Variants in NEDD4L observed in about 807,000 individuals in gnomAD.
NEDD4L encodes E3 ubiquitin-protein ligase NEDD4-like.
Under a neutral mutation model 148.9 loss-of-function variants are expected in NEDD4L, and 54 were observed. The ratio of observed to expected loss-of-function variants is 0.36; its 90% confidence interval spans 0.29 to 0.45. NEDD4L has a LOEUF of 0.45. NEDD4L is among the 20% of genes least tolerant of loss of function. The probability of loss-of-function intolerance (pLI) is 1.00; values close to 1 mark genes in which losing one functional copy is unlikely to be tolerated. For synonymous variants in NEDD4L, 433 were observed against 440.7 expected, an observed-to-expected ratio of 0.98 and a Z score of 0.22; for missense variants, 856 against 1,233.8, an observed-to-expected ratio of 0.69 and a Z score of 4.59.
chr18:58,254,251 C>A (rs928462513), intron 5 of NEDD4L, among the ~76,000 whole-genome samples: 2 of 152,150 alleles, frequency 1.3e-5, no homozygotes, highest in African/African-American at 4.8e-5. Context: ...ACTCTTACAG[C>A]TTGGTATTTT....
At chr18:58,063,137 C>T (rs1444319518) in intron 1 of NEDD4L, among the ~76,000 whole-genome samples, 1 of 144,606 alleles carries the variant, frequency 6.9e-6, no homozygotes, top group Non-Finnish European at 1.5e-5. Context: ...CCTTGACCTC[C>T]GAAGTCCACA....
At position 58,347,214 on chromosome 18, in the gene NEDD4L, G is replaced by GC. The variant is rs1293604264; in HGVS notation, c.1576-2310dup. Among the ~76,000 whole-genome samples the GC allele has an allele frequency of 2.1e-3, 72 of 34,022 alleles. 1 individual carries two copies. Among genetic ancestry groups the GC allele is most frequent in the South Asian group, 0.014 (10 of 734 alleles). 22.3% of individuals were successfully genotyped at this position (34,022 alleles called of 152,430 possible). A position where few individuals can be genotyped will look rare whatever the true frequency, so the allele number is the denominator to read the frequency against. ...TTCTTTTCACGCTACGGCCCCCCCC[G>GC]CCCCCCCCCCCCCTTTAAATCACCA... On this transcript the variant is annotated intron_variant, in intron 16 of 30. Coordinates refer to ENST00000400345, the MANE Select transcript of NEDD4L (RefSeq NM_001144967.3).
chr18:58,062,906 T>C (rs1351862548), intron 1 of NEDD4L, among the ~76,000 whole-genome samples: 1 of 147,168 alleles, frequency 6.8e-6, no homozygotes, highest in African/African-American at 2.5e-5. Flanking sequence ...GAAAATGGCA[T>C]GAACCCGGGA....
intron 2 of NEDD4L, among the ~76,000 whole-genome samples, chr18:58,234,407 C>T (rs2045758263): frequency 6.7e-6 from 1 of 150,370 alleles, no homozygotes; most frequent in Non-Finnish European, 1.5e-5. Flanking sequence ...TCATGGCTCA[C>T]TGCAGCCTCA....
chr18:58,205,226 C>G (rs1406858911), intron 2 of NEDD4L, among the ~76,000 whole-genome samples: 5 of 152,218 alleles, frequency 3.3e-5, no homozygotes, highest in African/African-American at 1.2e-4. Context: ...TGGTCACCAG[C>G]TTCTAGCTAG....
At chr18:58,287,095 T>C (rs2054025728) in intron 5 of NEDD4L, among the ~76,000 whole-genome samples, 1 of 140,974 alleles carries the variant, frequency 7.1e-6, no homozygotes. Flanking sequence ...CTTCTTTTTC[T>C]TTTTTTTTTT....
Position 58,231,599 on chromosome 18 carries a change from G to A in NEDD4L, c.123-13828G>A, listed in dbSNP as rs147715495. Among the ~76,000 whole-genome samples, 992 of 152,190 alleles carry A rather than the reference G, an allele frequency of 6.5e-3. 9 individuals are homozygous for A. The highest frequency in any genetic ancestry group is 0.022 in the African/African-American group (921 of 41,516). On this transcript the variant is annotated intron_variant, in intron 2 of 30. Transcript: ENST00000400345. Reference sequence around the variant, plus strand: ...TTGTTTTGAGACAGAGTCTCACTTGGTCGCCCAGGCTGGAGTGCTGTGGCT... The same window carrying A: ...TTGTTTTGAGACAGAGTCTCACTTGATCGCCCAGGCTGGAGTGCTGTGGCT...
chr18:58,235,903 C>T (rs2045953016), intron 2 of NEDD4L, among the ~76,000 whole-genome samples: 1 of 151,974 alleles, frequency 6.6e-6, no homozygotes, highest in Admixed American at 6.6e-5. Context: ...TGTGGTGGCT[C>T]ACATCTGTAG....
intron 5 of NEDD4L, among the ~76,000 whole-genome samples, chr18:58,314,292 C>G (rs1033518783): frequency 6.6e-6 from 1 of 151,962 alleles, no homozygotes; most frequent in African/African-American, 2.4e-5. Flanking sequence ...TGGTGTGTGC[C>G]TGTAGTCCCA....
At chr18:58,308,702 C>T (rs1286060279) in intron 5 of NEDD4L, among the ~76,000 whole-genome samples, 7 of 152,234 alleles carry the variant, frequency 4.6e-5, no homozygotes, top group Admixed American at 4.6e-4. Flanking sequence ...GCACTCAGCA[C>T]GAGTCTCAGG....
At chr18:58,154,631 C>T (rs2146372070) in intron 1 of NEDD4L, among the ~76,000 whole-genome samples, 1 of 152,134 alleles carries the variant, frequency 6.6e-6, no homozygotes, top group African/African-American at 2.4e-5. Context: ...ACTAAAAATA[C>T]AAAAAATTAG....
intron 4 of NEDD4L, 85 bp from the exon 5 acceptor site, chr18:58,251,916 A>C: frequency 2.6e-6 from 2 of 770,182 alleles, no homozygotes; most frequent in Non-Finnish European, 4.7e-6. Flanking sequence ...CGCATTGTAA[A>C]GCAGTATGTT....
At chr18:58,112,891 G>T (rs951635126) in intron 1 of NEDD4L, among the ~76,000 whole-genome samples, 1 of 152,214 alleles carries the variant, frequency 6.6e-6, no homozygotes, top group Non-Finnish European at 1.5e-5. Context: ...AGGAGGTGGG[G>T]CCTTTGGGAC....
At chr18:58,183,979 C>T (rs977679170) in intron 2 of NEDD4L, among the ~76,000 whole-genome samples, 1 of 152,164 alleles carries the variant, frequency 6.6e-6, no homozygotes, top group African/African-American at 2.4e-5. Flanking sequence ...GCCATCCTGG[C>T]TAACATGGTG....
chr18:58,367,731 C>T lies in NEDD4L; in HGVS notation c.2064-15C>T. 1 of 1,612,394 alleles carries T rather than the reference C, an allele frequency of 6.2e-7. No individual in the cohort carries two copies. ...GAAAGTGTGATTGGGCTTTTCTTCT[C>T]TTTCTCCTCAAAAGGGACAACTACA... On this transcript the variant is annotated splice_polypyrimidine_tract_variant and intron_variant, in intron 21 of 30. Coordinates refer to ENST00000400345, the MANE Select transcript of NEDD4L (RefSeq NM_001144967.3).
chr18:58,091,322 T>C (rs1568202817), intron 1 of NEDD4L: 1 of 152,288 alleles, frequency 6.6e-6, no homozygotes, highest in Non-Finnish European at 1.5e-5. Flanking sequence ...GGCACAGAGC[T>C]TGGGCTTTGG....
chr18:58,282,900 G>A (rs1373151697), intron 5 of NEDD4L, among the ~76,000 whole-genome samples: 1 of 152,126 alleles, frequency 6.6e-6, no homozygotes, highest in African/African-American at 2.4e-5. Flanking sequence ...CACAAAGGGG[G>A]ATTTTCTTGC....
chr18:58,243,658 G>A (rs1015434118), intron 2 of NEDD4L, among the ~76,000 whole-genome samples: 4 of 152,166 alleles, frequency 2.6e-5, no homozygotes, highest in Non-Finnish European at 5.9e-5. Flanking sequence ...TTAGGAAGGT[G>A]CTTATGGGAG....
Position 58,352,509 on chromosome 18 carries a change from A to T in NEDD4L, c.1708+1464A>T, listed in dbSNP as rs142545401. Among the ~76,000 whole-genome samples the T allele has an allele frequency of 3.3e-5, 5 of 152,068 alleles. No individual in the cohort carries two copies. The East Asian group carries it at 9.7e-4, about 29-fold the overall frequency. ...GTCTCTACTAAAAATACAAGTAAAA[A>T]CTAGCTGGGTGTGGTGGCGTGCACC... On this transcript the variant is annotated intron_variant, in intron 18 of 30. Coordinates refer to ENST00000400345, the MANE Select transcript of NEDD4L (RefSeq NM_001144967.3).
Sources: allele counts gnomAD v4.1 joint callset (sites outside exome capture counted in the v4.1 genomes callset), GRCh38; gene constraint gnomAD v4.1.1; transcripts MANE v1.5; gene names NCBI Gene and HGNC (gene_info 2026-07-23, HGNC 2026-07-21).